Variants in FOXP1 observed in about 807,000 individuals in gnomAD.
FOXP1 encodes the protein forkhead box protein P1.
Under a neutral mutation model 98.2 loss-of-function variants are expected in FOXP1, and 15 were observed. The observed-to-expected ratio is 0.15, with a 90% CI of 0.10 to 0.24. The LOEUF is 0.24. FOXP1 is among the 10% of genes least tolerant of loss of function. The probability of loss-of-function intolerance (pLI) is 1.00; values close to 1 mark genes in which losing one functional copy is unlikely to be tolerated. For missense variants in FOXP1, 633 were observed against 848.5 expected (o/e 0.75, Z 3.15); for synonymous variants, 371 against 314.5 (o/e 1.18, Z -1.90).
chr3:71,281,388 A>C (rs971398635), intron 5 of FOXP1, among the ~76,000 whole-genome samples: 2 of 152,220 alleles, frequency 1.3e-5, no homozygotes, highest in African/African-American at 4.8e-5. Flanking sequence ...AACTGTACCC[A>C]CAAACAGCCA....
At chr3:71,354,299 A>G (rs1298624086) in intron 4 of FOXP1, among the ~76,000 whole-genome samples, 1 of 151,806 alleles carries the variant, frequency 6.6e-6, no homozygotes, top group Admixed American at 6.6e-5. Context: ...AAAGAGAGAG[A>G]GAAGAGAATT....
chr3:71,339,879 GA>G (rs1221552673), intron 4 of FOXP1, among the ~76,000 whole-genome samples: 2 of 152,102 alleles, frequency 1.3e-5, no homozygotes, highest in African/African-American at 4.8e-5. Flanking sequence ...TAAATGACAA[GA>G]AAAGAAAATG....
chr3:71,582,035 T>C (rs938705832), intron 1 of FOXP1: 1 of 978,830 alleles, frequency 1.0e-6, no homozygotes, highest in Non-Finnish European at 1.2e-6. Context: ...TACAACTGTT[T>C]ATTTAGTCCT....
chr3:71,392,467 CTT>C (rs1384458459), intron 3 of FOXP1, among the ~76,000 whole-genome samples: 2 of 152,118 alleles, frequency 1.3e-5, no homozygotes, highest in Non-Finnish European at 2.9e-5. Flanking sequence ...AAGTGGTAAA[CTT>C]AAGTCAAGCT....
chr3:71,211,367 G>A (rs1560121873), intron 5 of FOXP1, among the ~76,000 whole-genome samples: 2 of 151,940 alleles, frequency 1.3e-5, no homozygotes, highest in South Asian at 4.2e-4. Context: ...CACCAAAACC[G>A]GCTAATTTTT....
At chr3:71,132,981 T>TAAA (rs5849991) in intron 6 of FOXP1, among the ~76,000 whole-genome samples, 13 of 147,568 alleles carry the variant, frequency 8.8e-5, no homozygotes, top group African/African-American at 2.5e-4. Context: ...TCTCTAACCA[T>TAAA]AAAAAAAAAA....
In FOXP1 at chr3:71,423,868, A is replaced by G. The variant is rs190425126; in HGVS notation, c.-167-64624T>C. 2.4e-3 allele frequency among the ~76,000 whole-genome samples: 367 copies of G among 152,380 alleles called. 1 individual carries two copies. The highest frequency in any genetic ancestry group is 8.1e-3 in the African/African-American group (335 of 41,586). ...ATTTAATCAGCTTGTCTTAGGTCAC[A>G]TGATTTCATGAATGGCCCTAAATAT... On this transcript the variant is annotated intron_variant, in intron 3 of 20. Coordinates refer to ENST00000649528, the MANE Select transcript of FOXP1 (RefSeq NM_001349338.3).
At chr3:71,565,398 G>A (rs1330188338) in intron 2 of FOXP1, among the ~76,000 whole-genome samples, 7 of 152,282 alleles carry the variant, frequency 4.6e-5, no homozygotes, top group Non-Finnish European at 5.9e-5. Context: ...TGTAAAACTC[G>A]TTGGGTAAGA....
intron 20 of FOXP1, among the ~76,000 whole-genome samples, chr3:70,960,841 ATTTTTTTTTT>A (rs549719513): frequency 1.5e-5 from 2 of 137,260 alleles, no homozygotes; most frequent in Non-Finnish European, 1.6e-5. Context: ...TAAAAAAATA[ATTTTTTTTTT>A]TTTTTTTTGA....
chr3:71,150,408 C>T (rs2060509895), intron 6 of FOXP1, among the ~76,000 whole-genome samples: 1 of 152,140 alleles, frequency 6.6e-6, no homozygotes, highest in Admixed American at 6.5e-5. Context: ...ATATCTATTA[C>T]ATTTTTGTGT....
intron 7 of FOXP1, among the ~76,000 whole-genome samples, chr3:71,076,942 T>C (rs190187585): frequency 6.6e-6 from 1 of 152,356 alleles, no homozygotes; most frequent in Admixed American, 6.5e-5. Context: ...GGATCTCTAA[T>C]ATGTCTCTGG....
At chr3:71,368,147 T>C (rs1028645374) in intron 3 of FOXP1, among the ~76,000 whole-genome samples, 2 of 152,152 alleles carry the variant, frequency 1.3e-5, no homozygotes, top group Non-Finnish European at 2.9e-5. Flanking sequence ...TTTTTTTAGA[T>C]GGAGTTTCAC....
At chr3:71,219,711 C>G (rs1215387403) in intron 5 of FOXP1, among the ~76,000 whole-genome samples, 1 of 152,210 alleles carries the variant, frequency 6.6e-6, no homozygotes, top group Non-Finnish European at 1.5e-5. Context: ...TAGAATAATA[C>G]TATAATTTGT....
At chr3:71,144,915 T>C (rs758827964) in intron 6 of FOXP1, among the ~76,000 whole-genome samples, 1 of 152,240 alleles carries the variant, frequency 6.6e-6, no homozygotes, top group African/African-American at 2.4e-5. Flanking sequence ...AAATGGCATA[T>C]AAATGGAATC....
chr3:71,439,945 C>T (rs1402892552), intron 3 of FOXP1, among the ~76,000 whole-genome samples: 5 of 85,514 alleles, frequency 5.8e-5, no homozygotes, highest in Non-Finnish European at 1.0e-4. Flanking sequence ...GAGACTCTGT[C>T]TCAGGAAAAA....
intron 4 of FOXP1, among the ~76,000 whole-genome samples, chr3:71,315,663 G>A (rs537559597): frequency 2.6e-5 from 4 of 152,266 alleles, no homozygotes; most frequent in East Asian, 3.9e-4. Flanking sequence ...TGGTGGGGAC[G>A]AAAGCAGGAA....
At chr3:71,173,050 T>C (rs1576194228) in intron 6 of FOXP1, among the ~76,000 whole-genome samples, 1 of 152,128 alleles carries the variant, frequency 6.6e-6, no homozygotes, top group Non-Finnish European at 1.5e-5. Flanking sequence ...GGCTGAAACC[T>C]CTATCAACAT....
At chr3:71,486,968 T>C (rs529436601) in intron 3 of FOXP1, among the ~76,000 whole-genome samples, 5 of 152,284 alleles carry the variant, frequency 3.3e-5, no homozygotes, top group Non-Finnish European at 7.4e-5. Flanking sequence ...GTAAGAAACT[T>C]GCCCTGCACC....
intron 6 of FOXP1, among the ~76,000 whole-genome samples, chr3:71,174,952 T>A (rs181448834): frequency 6.6e-6 from 1 of 151,578 alleles, no homozygotes; most frequent in Admixed American, 6.6e-5. Flanking sequence ...TCGCTCTTGT[T>A]GCCCAGACTG....
Sources: gnomAD v4.1 joint callset for allele counts (sites outside exome capture counted in the v4.1 genomes callset) on GRCh38, gnomAD v4.1.1 for gene constraint, MANE v1.5 for transcripts, NCBI Gene and HGNC (gene_info 2026-07-23, HGNC 2026-07-21) for gene names.